RP1: variants seen among roughly 807,000 people sequenced by gnomAD.
The protein encoded by RP1 is RP1 axonemal microtubule associated, also known as oxygen-regulated protein 1.
In RP1, 16 loss-of-function variants were observed where a neutral mutation model predicts 14.8. The observed-to-expected ratio is 1.08, with a 90% CI of 0.73 to 1.65. The LOEUF (loss-of-function observed/expected upper bound fraction) is 1.65, where lower values mean the gene tolerates loss of function less well. Among genes scored for constraint, RP1 ranks in the 40% most tolerant of loss-of-function variants. RP1 has a pLI of 0.00. For missense variants in RP1, 2,631 were observed against 2,535.0 expected, an observed-to-expected ratio of 1.04 and a Z score of -0.81; for synonymous variants, 876 against 883.6, an observed-to-expected ratio of 0.99 and a Z score of 0.15.
exon 21 of RP1, chr8:54,755,656 G>A (rs1406818300): frequency 1.8e-5 from 28 of 1,536,028 alleles, no homozygotes; most frequent in Non-Finnish European, 2.4e-5. Context: ...CTGGGCAGCT[G>A]AAGCATGCAG....
At chr8:54,720,248 A>G in exon 16 of RP1, 2 of 1,535,990 alleles carry the variant, frequency 1.3e-6, no homozygotes, top group Non-Finnish European at 8.7e-7. Context: ...ATGGGCAGGC[A>G]AAACCAATGA....
chr8:54,718,607 G>A (rs906098416), intron 15 of RP1, among the ~76,000 whole-genome samples: 9 of 152,186 alleles, frequency 5.9e-5, no homozygotes, highest in African/African-American at 2.2e-4. Context: ...AAACAACCAA[G>A]ATGTCCTTCA....
chr8:54,844,737 A>T (rs150722604), intron 25 of RP1, among the ~76,000 whole-genome samples: 192 of 152,364 alleles, frequency 1.3e-3, no homozygotes, highest in African/African-American at 4.3e-3. Context: ...CTGCAACATT[A>T]GGGATACAGC....
chr8:54,633,465 G>C (rs1458628537), downstream of RP1, among the ~76,000 whole-genome samples: 5 of 151,970 alleles, frequency 3.3e-5, no homozygotes, highest in Admixed American at 3.3e-4. Context: ...TGTAAACTGA[G>C]GTATTGAAAC....
intron 1 of RP1, among the ~76,000 whole-genome samples, chr8:54,564,230 T>C (rs1245317345): frequency 6.6e-6 from 1 of 152,106 alleles, no homozygotes; most frequent in Admixed American, 6.6e-5. Context: ...CTTTGGTCAT[T>C]GCAGGGTCTG....
chr8:54,660,817 A>G (rs569134353), intron 6 of RP1, among the ~76,000 whole-genome samples: 25 of 152,126 alleles, frequency 1.6e-4, no homozygotes, highest in Middle Eastern at 3.4e-3. Context: ...AAATATGTCA[A>G]TTAAGAAAAT....
chr8:54,668,379 C>T (rs1807065677), intron 7 of RP1, among the ~76,000 whole-genome samples: 1 of 152,084 alleles, frequency 6.6e-6, no homozygotes, highest in Non-Finnish European at 1.5e-5. Flanking sequence ...TAAAAGATGA[C>T]ACAAACAAAT....
intron 22 of RP1, among the ~76,000 whole-genome samples, chr8:54,766,405 A>C (rs559514034): frequency 6.6e-6 from 1 of 152,102 alleles, no homozygotes; most frequent in African/African-American, 2.4e-5. Flanking sequence ...ATTTCTTGCT[A>C]TTCTGAGCAT....
chr8:54,868,866 T>C (rs933739081), intron 28 of RP1, among the ~76,000 whole-genome samples: 3 of 152,288 alleles, frequency 2.0e-5, no homozygotes, highest in Non-Finnish European at 2.9e-5. Context: ...TTTATAACTT[T>C]ATTTGTGGAG....
downstream of RP1, among the ~76,000 whole-genome samples, chr8:54,774,295 C>T (rs755852917): frequency 6.6e-5 from 10 of 152,132 alleles, no homozygotes; most frequent in Non-Finnish European, 1.2e-4. Flanking sequence ...ATCAGTATCT[C>T]AAATGAGTGT....
chr8:54,762,733 C>T (rs1694245214), intron 22 of RP1, among the ~76,000 whole-genome samples: 1 of 152,218 alleles, frequency 6.6e-6, no homozygotes, highest in African/African-American at 2.4e-5. Context: ...CTCCTGGAGG[C>T]CAGTGATCCA....
intron 6 of RP1, among the ~76,000 whole-genome samples, chr8:54,660,007 T>G (rs1806850360): frequency 1.3e-5 from 2 of 152,172 alleles, no homozygotes; most frequent in Admixed American, 6.5e-5. Context: ...AATTTCTTTT[T>G]GTATTATTCT....
At chr8:54,670,706 T>A (rs4275212) in intron 7 of RP1, among the ~76,000 whole-genome samples, 18,807 of 109,014 alleles carry the variant, frequency 0.17, 2,327 homozygotes, top group East Asian at 0.28. Flanking sequence ...TATATATATA[T>A]AAAACATTAA....
chr8:54,633,091 G>A (rs1421142207), downstream of RP1, among the ~76,000 whole-genome samples: 1 of 152,162 alleles, frequency 6.6e-6, no homozygotes, highest in Non-Finnish European at 1.5e-5. Context: ...GGCAGTCTCT[G>A]AGCTTCCTGC....
intron 24 of RP1, among the ~76,000 whole-genome samples, chr8:54,793,311 A>G (rs983925502): frequency 6.6e-6 from 1 of 151,892 alleles, no homozygotes. Flanking sequence ...TGGAGGGAAT[A>G]CTTCCAAACT....
chr8:54,767,834 G>C (rs758638861), intron 22 of RP1, among the ~76,000 whole-genome samples: 1 of 152,218 alleles, frequency 6.6e-6, no homozygotes, highest in African/African-American at 2.4e-5. Context: ...TATTGTATGT[G>C]TGTTATTAGG....
intron 1 of RP1, among the ~76,000 whole-genome samples, chr8:54,573,481 C>A (rs1346506412): frequency 6.6e-6 from 1 of 152,168 alleles, no homozygotes; most frequent in African/African-American, 2.4e-5. Flanking sequence ...TAGTTTAATG[C>A]TTGAGAGGGG....
At chr8:54,848,733 A>T (rs887370057) in intron 25 of RP1, among the ~76,000 whole-genome samples, 2 of 152,128 alleles carry the variant, frequency 1.3e-5, no homozygotes, top group African/African-American at 4.8e-5. Flanking sequence ...CTTTCCCAAG[A>T]TGATATTTTT....
intron 25 of RP1, among the ~76,000 whole-genome samples, chr8:54,847,052 C>G (rs1398241908): frequency 6.6e-6 from 1 of 152,174 alleles, no homozygotes; most frequent in Admixed American, 6.5e-5. Context: ...CAACAGGATG[C>G]TTCCTCAGGG....
Sources: gnomAD v4.1 joint callset for allele counts (sites outside exome capture counted in the v4.1 genomes callset) on GRCh38, gnomAD v4.1.1 for gene constraint, MANE v1.5 for transcripts, NCBI Gene and HGNC (gene_info 2026-07-23, HGNC 2026-07-21) for gene names.